Variants in EFCAB6 observed in about 807,000 individuals in gnomAD.
EFCAB6 encodes EF-hand calcium-binding domain-containing protein 6.
EFCAB6 carries 156 observed loss-of-function variants against 169.8 expected under a neutral mutation model. That is an observed-to-expected ratio of 0.92 (90% CI 0.81 to 1.05). EFCAB6 has a LOEUF of 1.05. Ranked by LOEUF, EFCAB6 falls within the 50% of genes least tolerant of loss-of-function variation. EFCAB6 has a pLI of 0.00. For missense variants in EFCAB6, 1,800 were observed against 1,829.1 expected (o/e 0.98, Z 0.29); for synonymous variants, 698 against 676.4 (o/e 1.03, Z -0.50).
At chr22:43,676,418 C>CAAAAA (rs34550416) in intron 13 of EFCAB6, among the ~76,000 whole-genome samples, 1 of 60,482 alleles carries the variant, frequency 1.7e-5, no homozygotes, top group Non-Finnish European at 3.3e-5. Flanking sequence ...GACTCCGTCT[C>CAAAAA]AAAAAAAAAA....
At position 43,793,292 on chromosome 22, in the gene EFCAB6, C is replaced by T. The variant is rs188949440; in HGVS notation, c.-7-10967G>A. ...GTCTGGATGACCTGTTGGGTCTCCT[C>T]TAGTTCTAATTTCTACCAACTGCGG... On this transcript the variant is annotated intron_variant, in intron 2 of 31. Transcript: ENST00000262726. Among the ~76,000 whole-genome samples, 438 of 152,286 alleles carry T rather than the reference C, an allele frequency of 2.9e-3. 2 individuals are homozygous for T. The highest frequency in any genetic ancestry group is 4.5e-3 in the Non-Finnish European group (308 of 68,018).
chr22:43,667,004 G>T, intron 17 of EFCAB6, 100 bp downstream of exon 17: 2 of 1,357,454 alleles, frequency 1.5e-6, no homozygotes, highest in Non-Finnish European at 2.0e-6. Flanking sequence ...AAATGGATCT[G>T]CTGCGTCCTG....
In EFCAB6 at chr22:43,586,340, A is replaced by ATTTTTTTTTTTTTTTTTTT. The variant is rs36058832; in HGVS notation, c.3032+3715_3032+3733dup. Among the ~76,000 whole-genome samples the ATTTTTTTTTTTTTTTTTTT allele has an allele frequency of 1.2e-3, 90 of 72,922 alleles. 9 individuals carry two copies. The highest frequency in any genetic ancestry group is 1.7e-3 in the African/African-American group (27 of 15,432). 47.8% of individuals were successfully genotyped at this position (72,922 alleles called of 152,430 possible). A position where few individuals can be genotyped will look rare whatever the true frequency, so the allele number is the denominator to read the frequency against. On this transcript the variant is annotated intron_variant, in intron 24 of 31. Transcript: ENST00000262726. ...ACTGTAAACTCTTGAGCAACAACTG[A>ATTTTTTTTTTTTTTTTTTT]TTTTTTTTTTTTTTTTTTTTTTTTT...
chr22:43,679,671 G>A (rs755352266), intron 12 of EFCAB6, among the ~76,000 whole-genome samples: 2 of 152,024 alleles, frequency 1.3e-5, no homozygotes, highest in Non-Finnish European at 2.9e-5. Flanking sequence ...TTTGATTATA[G>A]CCATCCTAGA....
intron 26 of EFCAB6, among the ~76,000 whole-genome samples, chr22:43,571,067 C>G (rs1421908179): frequency 2.0e-5 from 3 of 152,202 alleles, no homozygotes; most frequent in African/African-American, 7.2e-5. Flanking sequence ...GGGCAGGAAG[C>G]CCGCGGCCCT....
intron 10 of EFCAB6, among the ~76,000 whole-genome samples, chr22:43,689,349 G>GCACACACACACACA (rs3221390): frequency 0.067 from 9,902 of 146,850 alleles, 350 homozygotes; most frequent in African/African-American, 0.078. Context: ...GAGAGCACGT[G>GCACACACACACACA]CACACACACA....
At position 43,644,357 on chromosome 22, in the gene EFCAB6, G is replaced by C. The variant is rs138324591; in HGVS notation, c.1984-9141C>G. Among the ~76,000 whole-genome samples, 1,003 of 152,256 alleles carry C rather than the reference G, an allele frequency of 6.6e-3. 34 individuals carry two copies. The highest frequency in any genetic ancestry group is 0.052 in the Admixed American group (798 of 15,284). ...AACAAGCAGGGAGGAGGTAACAGTG[G>C]TTAAGATGAGCTCTGCAGCCCTTTC... On this transcript the variant is annotated intron_variant, in intron 17 of 31. Coordinates refer to ENST00000262726, the MANE Select transcript of EFCAB6 (RefSeq NM_022785.4).
intron 11 of EFCAB6, among the ~76,000 whole-genome samples, chr22:43,687,115 A>G (rs2058225923): frequency 6.6e-6 from 1 of 152,238 alleles, no homozygotes; most frequent in South Asian, 2.1e-4. Flanking sequence ...ACAATGTTAC[A>G]AGGATATGCT....
intron 3 of EFCAB6, among the ~76,000 whole-genome samples, chr22:43,778,227 TGA>T (rs564967715): frequency 8.9e-4 from 136 of 152,072 alleles, no homozygotes; most frequent in African/African-American, 3.3e-3. Flanking sequence ...GACAGATGGA[TGA>T]GATTCCCAGG....
At chr22:43,684,685 C>T (rs1211117239) in intron 11 of EFCAB6, among the ~76,000 whole-genome samples, 1 of 152,228 alleles carries the variant, frequency 6.6e-6, no homozygotes, top group Non-Finnish European at 1.5e-5. Flanking sequence ...CCTACGCCTA[C>T]CACCACTTTT....
chr22:43,581,181 C>G (rs1467537314), intron 24 of EFCAB6, among the ~76,000 whole-genome samples: 2 of 151,926 alleles, frequency 1.3e-5, no homozygotes. Context: ...GAGGCCTTAA[C>G]CAAGAAGGGC....
At chr22:43,675,389 T>G in intron 13 of EFCAB6, among the ~76,000 whole-genome samples, 1 of 101,762 alleles carries the variant, frequency 9.8e-6, no homozygotes, top group African/African-American at 3.5e-5. Flanking sequence ...TATTATACTA[T>G]AATATATAAT....
At chr22:43,802,043 C>T (rs371486269) in intron 2 of EFCAB6, among the ~76,000 whole-genome samples, 2 of 152,040 alleles carry the variant, frequency 1.3e-5, no homozygotes, top group South Asian at 4.2e-4. Context: ...CAAATGAAAA[C>T]CAAAATAAGA....
chr22:43,605,113 T>C (rs907197855), intron 22 of EFCAB6, among the ~76,000 whole-genome samples: 1 of 152,212 alleles, frequency 6.6e-6, no homozygotes, highest in Non-Finnish European at 1.5e-5. Flanking sequence ...AGCGACACCC[T>C]GTGCCTGGCC....
At chr22:43,663,677 T>C (rs1295210917) in intron 17 of EFCAB6, among the ~76,000 whole-genome samples, 3 of 152,198 alleles carry the variant, frequency 2.0e-5, no homozygotes, top group Admixed American at 2.0e-4. Flanking sequence ...TATCAGTTTG[T>C]TATGGACTGA....
In EFCAB6 at chr22:43,537,617, A is replaced by T; in HGVS notation, c.3880-72T>A. On this transcript the variant is annotated intron_variant, in intron 28 of 31. Coordinates refer to ENST00000262726, the MANE Select transcript of EFCAB6 (RefSeq NM_022785.4). The surrounding 1 kb of genome is among the most constrained non-coding windows in gnomAD (Gnocchi z 4.3). ...CGGAAGTCATCAAAAATACCTCAAT[A>T]CCTCCAGTTTTGAGGTTCACAATTT... The T allele has an allele frequency of 1.3e-6, 2 of 1,491,596 alleles. No homozygotes were observed. Among genetic ancestry groups the T allele is most frequent in the Non-Finnish European group, 1.8e-6 (2 of 1,113,558 alleles). 92.4% of individuals were successfully genotyped at this position (1,491,596 alleles called of 1,614,324 possible).
chr22:43,683,543 C>T (rs1401259722), intron 12 of EFCAB6: 9 of 546,678 alleles, frequency 1.6e-5, no homozygotes, highest in South Asian at 5.1e-5. Flanking sequence ...TTCCATCGTC[C>T]GTCTTCCCAA....
In EFCAB6 at chr22:43,662,329, T is replaced by A. The variant is rs2148161632; in HGVS notation, c.1983+4775A>T. ...GCCCCATCCACCTGCAGACTCTATT[T>A]CTGCCATTCTCCCTCATTGATCCGG... On this transcript the variant is annotated intron_variant, in intron 17 of 31. Transcript: ENST00000262726. Among the ~76,000 whole-genome samples the A allele has an allele frequency of 1.3e-5, 2 of 152,262 alleles. 1 individual carries two copies. Among genetic ancestry groups the A allele is most frequent in the South Asian group, 4.1e-4 (2 of 4,826 alleles).
intron 6 of EFCAB6, among the ~76,000 whole-genome samples, chr22:43,738,641 A>C (rs1276447622): frequency 6.6e-6 from 1 of 152,018 alleles, no homozygotes; most frequent in Non-Finnish European, 1.5e-5. Context: ...ATATTCACAC[A>C]CACTTGCATA....
Sources: gnomAD v4.1 joint callset for allele counts (sites outside exome capture counted in the v4.1 genomes callset) on GRCh38, gnomAD v4.1.1 for gene constraint, Gnocchi (gnomAD v3.1) non-coding constraint, MANE v1.5 for transcripts, NCBI Gene and HGNC (gene_info 2026-07-23, HGNC 2026-07-21) for gene names.